Variants in LTAP1 observed in about 807,000 individuals in gnomAD.
The protein encoded by LTAP1 is lipid transport auxiliary protein 1, also known as HCV NS5A-transactivated protein 4.
At chr1:154,207,437 G>A in the LTAP1 span, 1 of 1,613,162 alleles carries the variant, frequency 6.2e-7, no homozygotes, top group East Asian at 2.2e-5. Flanking sequence ...TCTACGGCAA[G>A]AGTCCTTCAG....
chr1:154,207,555 C>T, the LTAP1 span: 1 of 1,614,130 alleles, frequency 6.2e-7, no homozygotes, highest in Non-Finnish European at 8.5e-7. Flanking sequence ...GGTATGTCAC[C>T]TGGATGGTTG....
chr1:154,210,006 A>C, the LTAP1 span, among the ~76,000 whole-genome samples: 2 of 151,738 alleles, frequency 1.3e-5, no homozygotes, highest in Admixed American at 1.3e-4. Flanking sequence ...GATTACAAGT[A>C]CGAACCACTG....
chr1:154,220,362 C>G, the LTAP1 span: 9 of 1,614,104 alleles, frequency 5.6e-6, no homozygotes, highest in African/African-American at 1.3e-5. Context: ...TAGGCCATCA[C>G]CAGCACGACA....
At chr1:154,212,393 A>AG in the LTAP1 span, 6 of 1,614,112 alleles carry the variant, frequency 3.7e-6, no homozygotes, top group Non-Finnish European at 5.1e-6. Context: ...GGAAAGAGAA[A>AG]GGAAGAGTGA....
At chr1:154,210,001 C>T in the LTAP1 span, among the ~76,000 whole-genome samples, 1 of 151,570 alleles carries the variant, frequency 6.6e-6, no homozygotes, top group South Asian at 2.1e-4. Context: ...GTTGGGATTA[C>T]AAGTACGAAC....
At chr1:154,211,125 C>T in the LTAP1 span, among the ~76,000 whole-genome samples, 1 of 151,576 alleles carries the variant, frequency 6.6e-6, no homozygotes, top group Non-Finnish European at 1.5e-5. Context: ...CTGCCTCAGC[C>T]TCCCGAGTAG....
At chr1:154,212,594 G>C in the LTAP1 span, 1 of 1,614,122 alleles carries the variant, frequency 6.2e-7, no homozygotes, top group Non-Finnish European at 8.5e-7. Flanking sequence ...TAAGGAACGG[G>C]GATGCCGGCC....
chr1:154,207,329 G>A, the LTAP1 span: 71 of 838,966 alleles, frequency 8.5e-5, no homozygotes, highest in East Asian at 2.2e-4. Flanking sequence ...TGGATACAAC[G>A]GGAACTTGGA....
chr1:154,217,405 C>T, the LTAP1 span, among the ~76,000 whole-genome samples: 5 of 152,228 alleles, frequency 3.3e-5, no homozygotes, highest in Admixed American at 3.3e-4. Context: ...AATCTCCCCT[C>T]TCCCAGCCCA....
At chr1:154,215,489 C>T in the LTAP1 span, among the ~76,000 whole-genome samples, 40 of 151,612 alleles carry the variant, frequency 2.6e-4, no homozygotes, top group Non-Finnish European at 4.3e-4. Context: ...TGGCGTGAAC[C>T]CGGGAGGCAG....
chr1:154,207,362 G>A, the LTAP1 span: 2 of 1,223,256 alleles, frequency 1.6e-6, no homozygotes, highest in African/African-American at 3.0e-5. Flanking sequence ...GGGCCTGCTG[G>A]GCCAGATGTT....
the LTAP1 span, among the ~76,000 whole-genome samples, chr1:154,217,066 C>A: frequency 6.6e-6 from 1 of 151,920 alleles, no homozygotes; most frequent in Non-Finnish European, 1.5e-5. Context: ...CCTGCCTCAG[C>A]CTCCTGAGTA....
chr1:154,211,254 C>T, the LTAP1 span, among the ~76,000 whole-genome samples: 15 of 150,746 alleles, frequency 1.0e-4, no homozygotes, highest in East Asian at 1.2e-3. Flanking sequence ...CCACCCTCCT[C>T]GGCCTCCCAA....
chr1:154,219,692 G>A, the LTAP1 span: 1 of 652,578 alleles, frequency 1.5e-6, no homozygotes, highest in Non-Finnish European at 2.6e-6. Context: ...AAAGCGCACA[G>A]TGCCTGCTCA....
At chr1:154,220,149 G>A in the LTAP1 span, 21 of 756,496 alleles carry the variant, frequency 2.8e-5, no homozygotes, top group East Asian at 4.9e-4. Flanking sequence ...GCGTTAAAGG[G>A]AGGGTTCTAG....
At chr1:154,216,704 T>C in the LTAP1 span, among the ~76,000 whole-genome samples, 14 of 151,876 alleles carry the variant, frequency 9.2e-5, no homozygotes, top group Admixed American at 5.9e-4. Context: ...TTCGTAGAGA[T>C]GGGGTCTCAC....
At chr1:154,212,442 G>A in the LTAP1 span, 4 of 1,614,072 alleles carry the variant, frequency 2.5e-6, no homozygotes, top group East Asian at 2.2e-5. Flanking sequence ...GTGCCCCGAA[G>A]AAAAAACTGG....
At chr1:154,220,554 A>G in the LTAP1 span, 1 of 773,246 alleles carries the variant, frequency 1.3e-6, no homozygotes, top group Non-Finnish European at 2.2e-6. Context: ...ACCCGGCCTG[A>G]AAACATGGCG....
the LTAP1 span, chr1:154,207,726 G>A: frequency 2.5e-5 from 30 of 1,181,012 alleles, no homozygotes; most frequent in Middle Eastern, 3.0e-4. Context: ...GGCCATAAAT[G>A]CAGCAATAGT....
Sources: gnomAD v4.1 joint callset for allele counts (sites outside exome capture counted in the v4.1 genomes callset) on GRCh38, gnomAD v4.1.1 for gene constraint, MANE v1.5 for transcripts, NCBI Gene and HGNC (gene_info 2026-07-23, HGNC 2026-07-21) for gene names.